Variants in WTAP observed in about 807,000 individuals in gnomAD.
WTAP encodes the protein WT1 associated protein.
WTAP carries 8 observed loss-of-function variants against 50.0 expected under a neutral mutation model. That is an observed-to-expected ratio of 0.16 (90% CI 0.09 to 0.29). The LOEUF is 0.29. Among genes scored for constraint, WTAP ranks in the 10% least tolerant of loss-of-function variants. The pLI, the probability that WTAP is intolerant of heterozygous loss-of-function variation, is 1.00. For synonymous variants in WTAP, 194 were observed against 169.0 expected (o/e 1.15, Z -1.15); for missense variants, 295 against 470.7 (o/e 0.63, Z 3.45).
intron 1 of WTAP, among the ~76,000 whole-genome samples, chr6:159,732,866 C>G (rs376699621): frequency 7.8e-6 from 1 of 128,152 alleles, no homozygotes; most frequent in Admixed American, 7.8e-5. Flanking sequence ...CTCTCTCTCT[C>G]TCTCTCTGTA....
At chr6:159,736,737 A>C (rs891338341) in intron 2 of WTAP, 1 of 153,478 alleles carries the variant, frequency 6.5e-6, no homozygotes, top group Admixed American at 6.5e-5. Context: ...CTAATTTTCA[A>C]ATTCTACCTT....
intron 1 of WTAP, among the ~76,000 whole-genome samples, chr6:159,732,886 AGTGTGTGTGTGTGTGTGTGT>A (rs67554039): frequency 6.8e-6 from 1 of 146,380 alleles, no homozygotes; most frequent in Non-Finnish European, 1.5e-5. Context: ...ATATATATAT[AGTGTGTGTGTGTGTGTGTGT>A]GTGTGTGTGT....
intron 5 of WTAP, among the ~76,000 whole-genome samples, chr6:159,746,694 CTG>C (rs1461165714): frequency 6.6e-6 from 1 of 152,146 alleles, no homozygotes; most frequent in African/African-American, 2.4e-5. Context: ...TAAGTAAAAT[CTG>C]TCATTTTTGT....
intron 3 of WTAP, among the ~76,000 whole-genome samples, chr6:159,740,786 C>T (rs963641567): frequency 1.3e-5 from 2 of 151,488 alleles, no homozygotes; most frequent in Non-Finnish European, 2.9e-5. Flanking sequence ...TCACTGCAAC[C>T]GCCGCCTCCC....
chr6:159,727,509 C>T lies in WTAP; in HGVS notation c.-203C>T, dbSNP rs975300432. The T allele has an allele frequency of 1.9e-4, 193 of 992,768 alleles. No individual in the cohort carries two copies. Among genetic ancestry groups the T allele is most frequent in the Non-Finnish European group, 2.2e-4 (183 of 835,730 alleles). The allele number at this position is 992,768 out of a possible 1,614,324, so 61.5% of individuals were successfully genotyped here. On this transcript the variant is annotated 5_prime_UTR_variant, in exon 1 of 8. Coordinates refer to ENST00000621533, the MANE Select transcript of WTAP (RefSeq NM_001270531.2). ...CCGGGCGGCGGGGCCTGGTTTCCTC[C>T]CTCAGCGCCATTTTGTGGCAGCGAG...
intron 1 of WTAP, among the ~76,000 whole-genome samples, chr6:159,729,073 A>T (rs1778404484): frequency 2.0e-5 from 3 of 152,236 alleles, no homozygotes; most frequent in Admixed American, 6.5e-5. Flanking sequence ...GGTAGAGATG[A>T]AACACAATGT....
rs1179744481 is a variant in WTAP, at chr6:159,755,942, CTG to C, written c.*333_*334del. 1 of 227,042 alleles carries C rather than the reference CTG, an allele frequency of 4.4e-6. No homozygotes were observed. Among genetic ancestry groups the C allele is most frequent in the African/African-American group, 2.3e-5 (1 of 42,632 alleles). 14.1% of individuals were successfully genotyped at this position (227,042 alleles called of 1,614,324 possible). On this transcript the variant is annotated 3_prime_UTR_variant, in exon 8 of 8. Transcript: ENST00000621533. ...TCCTTAAAATACAACACAATGATGT[CTG>C]TATAAATCTGTCTGTTTAGAATCTG... is the stretch of plus-strand genomic sequence containing the variant.
chr6:159,730,667 G>A (rs1235831175), intron 1 of WTAP, among the ~76,000 whole-genome samples: 2 of 152,208 alleles, frequency 1.3e-5, no homozygotes, highest in Non-Finnish European at 2.9e-5. Context: ...GATTAAAGTT[G>A]AGGAAGGATT....
intron 7 of WTAP, 34 bp downstream of exon 7, chr6:159,753,648 C>T (rs1285573063): frequency 6.3e-7 from 1 of 1,576,298 alleles, no homozygotes; most frequent in South Asian, 1.2e-5. Flanking sequence ...AACGTTGTCT[C>T]AACTTTGCAT....
At chr6:159,733,266 T>C (rs1778700439) in intron 1 of WTAP, among the ~76,000 whole-genome samples, 1 of 152,198 alleles carries the variant, frequency 6.6e-6, no homozygotes, top group South Asian at 2.1e-4. Context: ...CTGTATACAA[T>C]TAGCTCAGAA....
chr6:159,727,865 C>A (rs2114854351), intron 1 of WTAP, among the ~76,000 whole-genome samples, 162 bp downstream of exon 1: 1 of 152,338 alleles, frequency 6.6e-6, no homozygotes, highest in South Asian at 2.1e-4. Flanking sequence ...TTCCCGCCTG[C>A]GGGGAACACT....
In WTAP at chr6:159,739,129, T is replaced by TA. The variant is rs1779092230; in HGVS notation, c.86+85dup. The TA allele has an allele frequency of 4.3e-6, 5 of 1,152,926 alleles. No homozygotes were observed. In the Admixed American group the frequency reaches 1.1e-4, roughly 26 times the overall value. The allele number at this position is 1,152,926 out of a possible 1,614,324, so 71.4% of individuals were successfully genotyped here. On this transcript the variant is annotated intron_variant, in intron 3 of 7. Coordinates refer to ENST00000621533, the MANE Select transcript of WTAP (RefSeq NM_001270531.2). ...ACACTGTAATTGTCTTTGTGCCAGA[T>TA]ATTGTTTTTAATGTTGTTCTATCCT...
At chr6:159,741,744 T>C (rs1779268059) in intron 3 of WTAP, 1 of 184,998 alleles carries the variant, frequency 5.4e-6, no homozygotes, top group South Asian at 9.2e-5. Flanking sequence ...TTTCAGCAGT[T>C]TGGGAGGCCA....
chr6:159,739,175 T>C, intron 3 of WTAP, 130 bp downstream of exon 3: 1 of 694,046 alleles, frequency 1.4e-6, no homozygotes, highest in Non-Finnish European at 2.3e-6. Flanking sequence ...AATGTACTTT[T>C]TGAGCATACT....
At chr6:159,754,281 TCC>T (rs1779925583) in intron 7 of WTAP, among the ~76,000 whole-genome samples, 1 of 152,232 alleles carries the variant, frequency 6.6e-6, no homozygotes, top group Non-Finnish European at 1.5e-5. Context: ...AGGAATTATT[TCC>T]TGTGACTTTT....
chr6:159,749,080 A>T, intron 6 of WTAP: 1 of 987,924 alleles, frequency 1.0e-6, no homozygotes, highest in Non-Finnish European at 1.2e-6. Flanking sequence ...GCCTTAATCA[A>T]TGTGGTTTTA....
intron 1 of WTAP, among the ~76,000 whole-genome samples, chr6:159,731,242 C>G (rs1384833000): frequency 6.6e-6 from 1 of 151,762 alleles, no homozygotes; most frequent in Admixed American, 6.6e-5. Flanking sequence ...CAGGAGGATT[C>G]CTGAGCCCAG....
chr6:159,746,423 G>A (rs1427452659), intron 5 of WTAP, among the ~76,000 whole-genome samples: 1 of 152,150 alleles, frequency 6.6e-6, no homozygotes, highest in East Asian at 1.9e-4. Context: ...TACCCTTGGT[G>A]TTTCAAATTA....
At chr6:159,747,608 A>C (rs1027360649) in intron 5 of WTAP, among the ~76,000 whole-genome samples, 1 of 152,228 alleles carries the variant, frequency 6.6e-6, no homozygotes, top group African/African-American at 2.4e-5. Context: ...TGTGTATTTT[A>C]AGTTATAATC....
Sources: gnomAD v4.1 joint callset for allele counts (sites outside exome capture counted in the v4.1 genomes callset) on GRCh38, gnomAD v4.1.1 for gene constraint, MANE v1.5 for transcripts, NCBI Gene and HGNC (gene_info 2026-07-23, HGNC 2026-07-21) for gene names.